KLHL12: variants seen among roughly 807,000 people sequenced by gnomAD.
KLHL12 encodes kelch-like protein 12.
KLHL12 carries 17 observed loss-of-function variants against 60.8 expected under a neutral mutation model. The ratio of observed to expected loss-of-function variants is 0.28; its 90% CI spans 0.19 to 0.42. The LOEUF (loss-of-function observed/expected upper bound fraction) is 0.42, where lower values mean the gene tolerates loss of function less well. KLHL12 is among the 10% of genes least tolerant of loss of function. The probability of loss-of-function intolerance (pLI) is 1.00; values close to 1 mark genes in which losing one functional copy is unlikely to be tolerated. For missense variants in KLHL12, 468 were observed against 722.3 expected (o/e 0.65, Z 4.04); for synonymous variants, 220 against 250.9 (o/e 0.88, Z 1.16).
chr1:202,896,364 A>T (rs537004331), intron 7 of KLHL12, among the ~76,000 whole-genome samples: 11 of 151,788 alleles, frequency 7.2e-5, no homozygotes, highest in Non-Finnish European at 1.6e-4. Flanking sequence ...TTTTTTGTTT[A>T]CTTTTTTGTA....
rs374141096 is a variant in KLHL12 at position 202,921,307 on chromosome 1, T to C, written c.196-1399A>G. 3.9e-5 allele frequency among the ~76,000 whole-genome samples: 6 copies of C among 152,140 alleles called. No homozygotes were observed. In the South Asian group the frequency reaches 1.2e-3, roughly 32 times the overall value. ...CTCCTGCCTCAGCCGCCTGAGTAGCTGGGACTACAGGCACATGCCACCATG... is the reference window on the plus strand; with the variant it reads ...CTCCTGCCTCAGCCGCCTGAGTAGCCGGGACTACAGGCACATGCCACCATG... On this transcript the variant is annotated intron_variant, in intron 2 of 11. Coordinates refer to ENST00000367261, the MANE Select transcript of KLHL12 (RefSeq NM_021633.4).
intron 6 of KLHL12, among the ~76,000 whole-genome samples, chr1:202,905,052 C>T (rs1243273451): frequency 6.6e-6 from 1 of 152,264 alleles, no homozygotes; most frequent in East Asian, 1.9e-4. Context: ...ATGGTAAGAA[C>T]AATCTACCTG....
intron 2 of KLHL12, among the ~76,000 whole-genome samples, chr1:202,920,369 ATTTTTTTTTT>A (rs951695987): frequency 6.0e-5 from 5 of 83,804 alleles, no homozygotes; most frequent in Admixed American, 3.8e-4. Context: ...ATTTTGTTGG[ATTTTTTTTTT>A]TTTTTTTTTT....
chr1:202,920,338 A>T (rs984787070), intron 2 of KLHL12, among the ~76,000 whole-genome samples: 2 of 151,596 alleles, frequency 1.3e-5, no homozygotes, highest in South Asian at 2.1e-4. Flanking sequence ...GAAAGAAAAT[A>T]AAAAAATAAA....
intron 7 of KLHL12, among the ~76,000 whole-genome samples, chr1:202,896,607 G>A (rs1210239272): frequency 6.6e-6 from 1 of 152,210 alleles, no homozygotes; most frequent in Non-Finnish European, 1.5e-5. Flanking sequence ...AGCTTAGAAA[G>A]GCACCTAACT....
In KLHL12 at chr1:202,894,202, T is replaced by C. The variant is rs780489091; in HGVS notation, c.1375A>G (p.Met459Val). The C allele has an allele frequency of 1.7e-5, 27 of 1,554,090 alleles. No individual in the cohort carries two copies. The highest frequency in any genetic ancestry group is 2.7e-5 in the African/African-American group (2 of 73,470). The change falls in exon 10 of 12, where the codon ATG (methionine) becomes GTG (valine). Residue 459 changes from methionine (M) to valine (V), a missense_variant. Met to Val is a conservative substitution (Grantham distance 21, BLOSUM62 1). Around this residue, in one of 4 missense-constraint regions of KLHL12, gnomAD observed 339 missense variants for 525.0 expected, o/e 0.65. Coordinates refer to ENST00000367261, the MANE Select transcript of KLHL12 (RefSeq NM_021633.4). ...HTGHWTNVTP[M>V]ATKRSGAGVA... is the part of the protein sequence containing the mutation. ...GTCTTACCAGAACGCTTGGTGGCCA[T>C]TGGTGTAACATTAGTCCAATGTCCT...
At chr1:202,922,855 GA>G (rs968861780) in intron 2 of KLHL12, among the ~76,000 whole-genome samples, 8 of 146,092 alleles carry the variant, frequency 5.5e-5, no homozygotes, top group Admixed American at 6.8e-5. Context: ...AGTATTTCAG[GA>G]AAAAAAAAAG....
chr1:202,914,280 G>T (rs148784887), intron 4 of KLHL12, among the ~76,000 whole-genome samples: 1,664 of 152,276 alleles, frequency 0.011, 31 homozygotes, highest in African/African-American at 0.038. Context: ...GTTAGATGCT[G>T]CTCTGGTACA....
rs754994863 is a variant in KLHL12 at position 202,893,965 on chromosome 1, G to A, written c.1393+219C>T. On this transcript the variant is annotated intron_variant, in intron 10 of 11. Coordinates refer to ENST00000367261, the MANE Select transcript of KLHL12 (RefSeq NM_021633.4). The surrounding 1 kb of genome is among the most constrained non-coding windows in gnomAD (Gnocchi z 4.1). ...AAAATTGTACTAGATATTCTAAAAC[G>A]TAGGGAGAGAACAAAGACATGAAGG... Among the ~76,000 whole-genome samples, 21 of 152,142 alleles carry A rather than the reference G, an allele frequency of 1.4e-4. No individual in the cohort carries two copies. The highest frequency in any genetic ancestry group is 2.2e-4 in the Non-Finnish European group (15 of 68,018).
chr1:202,914,054 G>A (rs181828312), intron 4 of KLHL12, among the ~76,000 whole-genome samples: 2 of 152,316 alleles, frequency 1.3e-5, no homozygotes, highest in Admixed American at 6.5e-5. Context: ...TAGTGTAGCA[G>A]AGTGAATGAG....
At chr1:202,900,392 T>C (rs994668357) in intron 6 of KLHL12, among the ~76,000 whole-genome samples, 1 of 149,150 alleles carries the variant, frequency 6.7e-6, no homozygotes, top group Non-Finnish European at 1.5e-5. Flanking sequence ...AAAAAAATAA[T>C]AAAAAAAAAT....
At chr1:202,927,800 T>G (rs1017933979), upstream of KLHL12, among the ~76,000 whole-genome samples, 29 of 137,912 alleles carry the variant, frequency 2.1e-4, no homozygotes, top group Non-Finnish European at 3.8e-4. Context: ...GCCAACATGG[T>G]GAAACCCTAT....
chr1:202,900,024 TGACTTGAATA>T (rs1659959503), intron 6 of KLHL12, among the ~76,000 whole-genome samples: 1 of 152,148 alleles, frequency 6.6e-6, no homozygotes, highest in Admixed American at 6.6e-5. Flanking sequence ...CTTTTCTTCC[TGACTTGAATA>T]GACAAGGTAA....
At chr1:202,897,971 GT>G (rs1659892960) in intron 6 of KLHL12, among the ~76,000 whole-genome samples, 1 of 152,138 alleles carries the variant, frequency 6.6e-6, no homozygotes, top group Non-Finnish European at 1.5e-5. Context: ...AAAGACTAGA[GT>G]TTTAAAGGAA....
chr1:202,908,269 C>A (rs9919219), intron 6 of KLHL12, among the ~76,000 whole-genome samples: 1 of 152,074 alleles, frequency 6.6e-6, no homozygotes, highest in East Asian at 1.9e-4. Flanking sequence ...GGTAGACATA[C>A]AGGCTCAGAT....
chr1:202,898,096 G>T (rs890328643), intron 6 of KLHL12, among the ~76,000 whole-genome samples: 4 of 151,868 alleles, frequency 2.6e-5, no homozygotes, highest in African/African-American at 9.7e-5. Flanking sequence ...TGGAGACAGG[G>T]TCTTGCTATA....
intron 6 of KLHL12, among the ~76,000 whole-genome samples, chr1:202,901,539 C>T (rs988598942): frequency 1.3e-4 from 20 of 151,584 alleles, no homozygotes; most frequent in Non-Finnish European, 2.2e-4. Context: ...TGAACTCAAG[C>T]GATGCTTCTG....
intron 4 of KLHL12, among the ~76,000 whole-genome samples, chr1:202,913,782 C>T (rs1392208591): frequency 6.6e-6 from 1 of 152,156 alleles, no homozygotes; most frequent in Non-Finnish European, 1.5e-5. Flanking sequence ...GACAGAAGAG[C>T]ACACTAAAAA....
In KLHL12 at chr1:202,919,644, T is replaced by TGAAC. The variant is rs1660625005; in HGVS notation, c.349+107_349+110dup. Reference sequence around the variant, plus strand: ...AGACAAAAGCCATGGCCAGCAAACATGAACATCCATAGTTTGTCTCCAAAA... The same window carrying TGAAC: ...AGACAAAAGCCATGGCCAGCAAACATGAACGAACATCCATAGTTTGTCTCCAAAA... On this transcript the variant is annotated intron_variant, in intron 3 of 11. Coordinates refer to ENST00000367261, the MANE Select transcript of KLHL12 (RefSeq NM_021633.4). The TGAAC allele has an allele frequency of 4.0e-6, 4 of 1,006,216 alleles. No individual in the cohort carries two copies. In the South Asian group the frequency reaches 7.4e-5, roughly 19 times the overall value. The allele number at this position is 1,006,216 out of a possible 1,614,324, so 62.3% of individuals were successfully genotyped here.
Sources: allele counts gnomAD v4.1 joint callset (sites outside exome capture counted in the v4.1 genomes callset), GRCh38; gene constraint gnomAD v4.1.1; regional missense constraint gnomAD v4.1.1; non-coding constraint Gnocchi (gnomAD v3.1); transcripts MANE v1.5; gene names NCBI Gene and HGNC (gene_info 2026-07-23, HGNC 2026-07-21).